Variants in MTMR3 observed in about 807,000 individuals in gnomAD.
MTMR3 encodes the protein phosphatidylinositol-3,5-bisphosphate 3-phosphatase MTMR3.
Under a neutral mutation model 132.4 loss-of-function variants are expected in MTMR3, and 32 were observed. The ratio of observed to expected loss-of-function variants is 0.24; its 90% confidence interval spans 0.18 to 0.32. MTMR3 has a LOEUF of 0.32. Ranked by LOEUF, MTMR3 falls within the 10% of genes least tolerant of loss-of-function variation. The pLI is 1.00. For synonymous variants in MTMR3, 556 were observed against 550.3 expected (o/e 1.01, Z -0.14); for missense variants, 1,216 against 1,489.6 (o/e 0.82, Z 3.02).
At chr22:29,940,861 T>G (rs2065843894) in intron 1 of MTMR3, among the ~76,000 whole-genome samples, 1 of 149,952 alleles carries the variant, frequency 6.7e-6, no homozygotes, top group Non-Finnish European at 1.5e-5. Flanking sequence ...ACTGGTGACC[T>G]CCCTTTGGTT....
chr22:30,006,945 T>C, intron 9 of MTMR3, 169 bp from the exon 10 acceptor site: 1 of 633,030 alleles, frequency 1.6e-6, no homozygotes, highest in Non-Finnish European at 2.7e-6. Flanking sequence ...TTGTTGTTTG[T>C]TCTTGTTGGT....
At chr22:29,902,025 A>G (rs2065010444) in intron 1 of MTMR3, among the ~76,000 whole-genome samples, 1 of 152,246 alleles carries the variant, frequency 6.6e-6, no homozygotes, top group Non-Finnish European at 1.5e-5. Flanking sequence ...ATGCATGCAT[A>G]CATACACATG....
chr22:29,914,445 T>C (rs2065272219), intron 1 of MTMR3, among the ~76,000 whole-genome samples: 1 of 152,200 alleles, frequency 6.6e-6, no homozygotes, highest in African/African-American at 2.4e-5. Context: ...ATAGGTTGTT[T>C]TTTGTTTATT....
At chr22:29,925,822 T>G (rs2065505103) in intron 1 of MTMR3, among the ~76,000 whole-genome samples, 2 of 152,006 alleles carry the variant, frequency 1.3e-5, no homozygotes, top group South Asian at 2.1e-4. Context: ...GGCTGAGGCA[T>G]GAGAATCACT....
intron 1 of MTMR3, among the ~76,000 whole-genome samples, chr22:29,949,137 ACACACACCCCCCCCCCC>A (rs1336378266): frequency 2.8e-5 from 1 of 35,754 alleles, no homozygotes; most frequent in African/African-American, 1.5e-4. Flanking sequence ...ACACACACAC[ACACACACCCCCCCCCCC>A]CCCCCCGAGG....
rs1159702875 is a variant in MTMR3 at position 30,019,938 on chromosome 22, T to G, written c.2279T>G (p.Leu760Arg). 1 of 1,614,228 alleles carries G rather than the reference T, an allele frequency of 6.2e-7. No homozygotes were observed. Among genetic ancestry groups the G allele is most frequent in the African/African-American group, 1.3e-5 (1 of 75,068 alleles). ...AGCCATCTGGATATGAGCTGGCCTCTGTTCTCACAGGGCATTTCTGAACAG... is the reference window on the plus strand; with the variant it reads ...AGCCATCTGGATATGAGCTGGCCTCGGTTCTCACAGGGCATTTCTGAACAG... ...LRSHLDMSWP[L>R]FSQGISEQQS... Residue 760 changes from leucine (L) to arginine (R), a missense_variant, in exon 17 of 20, where the codon CTG becomes CGG. This residue lies in a region of MTMR3 where 852 missense variants were observed against 852.0 expected (regional missense o/e 1.00). Coordinates refer to ENST00000401950, the MANE Select transcript of MTMR3 (RefSeq NM_021090.4).
intron 8 of MTMR3, chr22:30,002,577 T>C (rs963845488): frequency 1.8e-5 from 4 of 222,654 alleles, no homozygotes; most frequent in African/African-American, 9.1e-5. Context: ...TTTTTTTCAT[T>C]GATAGTTAAG....
intron 17 of MTMR3, 41 bp from the exon 18 acceptor site, chr22:30,021,988 G>T: frequency 6.6e-7 from 1 of 1,510,300 alleles, no homozygotes; most frequent in South Asian, 1.1e-5. Flanking sequence ...TTTGGGAGGA[G>T]ACCAGGTTCA....
chr22:29,887,256 T>A (rs1351236949), intron 1 of MTMR3, among the ~76,000 whole-genome samples: 1 of 152,210 alleles, frequency 6.6e-6, no homozygotes, highest in African/African-American at 2.4e-5. Context: ...ATTACCCATG[T>A]TGTTTCTGGC....
Position 30,022,872 on chromosome 22 carries a change from G to A in MTMR3, c.3425+175G>A, listed in dbSNP as rs1265258392. 9 of 602,482 alleles carry A rather than the reference G, an allele frequency of 1.5e-5. No individual in the cohort carries two copies. The South Asian group carries it at 1.6e-4, about 11-fold the overall frequency. The allele number at this position is 602,482 out of a possible 1,614,324, so 37.3% of individuals were successfully genotyped here. Reference sequence around the variant, plus strand: ...TTGCAAAACTGCATTTGGCATCTTTGTTCAAATTCAGAGTAATCACTGTTA... The same window carrying A: ...TTGCAAAACTGCATTTGGCATCTTTATTCAAATTCAGAGTAATCACTGTTA... On this transcript the variant is annotated intron_variant, in intron 19 of 19. Transcript: ENST00000401950.
At chr22:30,023,599 G>A in intron 19 of MTMR3, 1 of 1,304,582 alleles carries the variant, frequency 7.7e-7, no homozygotes, top group Non-Finnish European at 1.1e-6. Flanking sequence ...GGGGCCTTGG[G>A]TGCACAGGCA....
At chr22:30,017,740 TATAAA>T in intron 15 of MTMR3, 182 bp from the exon 16 acceptor site, 1 of 571,096 alleles carries the variant, frequency 1.8e-6, no homozygotes, top group Non-Finnish European at 3.0e-6. Flanking sequence ...ATGTTGGCTA[TATAAA>T]ATGTCTAGTC....
chr22:29,987,182 T>G (rs145807815), intron 5 of MTMR3: 6 of 152,406 alleles, frequency 3.9e-5, no homozygotes, highest in Non-Finnish European at 7.3e-5. Flanking sequence ...TATTTTGCTT[T>G]CTTCTCTTCT....
At chr22:29,965,635 A>C (rs2066400165) in intron 2 of MTMR3, among the ~76,000 whole-genome samples, 1 of 152,228 alleles carries the variant, frequency 6.6e-6, no homozygotes, top group East Asian at 1.9e-4. Context: ...CAGTGAGCTG[A>C]GATCGCACCA....
chr22:30,020,973 G>A, intron 17 of MTMR3, 89 bp downstream of exon 17: 1 of 1,288,294 alleles, frequency 7.8e-7, no homozygotes. Flanking sequence ...ATGGTGATTG[G>A]TACAGGTTGT....
chr22:30,012,994 G>T lies in MTMR3; in HGVS notation c.1318-362G>T, dbSNP rs116845816. On this transcript the variant is annotated intron_variant, in intron 13 of 19. Transcript: ENST00000401950. The stretch of plus-strand genomic sequence containing the variant: ...ATATATGCAAGTATTAATTAAACTT[G>T]GGGTATAGAAGGATTTTACAGACTT... 221 of 194,948 alleles carry T rather than the reference G, an allele frequency of 1.1e-3. 1 individual carries two copies. The highest frequency in any genetic ancestry group is 2.6e-3 in the South Asian group (17 of 6,432). 12.1% of individuals were successfully genotyped at this position (194,948 alleles called of 1,614,324 possible). A position where few individuals can be genotyped will look rare whatever the true frequency, so the allele number is the denominator to read the frequency against.
intron 1 of MTMR3, among the ~76,000 whole-genome samples, chr22:29,945,517 C>T (rs929336430): frequency 4.6e-5 from 7 of 150,800 alleles, no homozygotes; most frequent in South Asian, 2.1e-4. Flanking sequence ...CTGGGTAAAG[C>T]GAGATCCCTG....
chr22:29,900,139 T>TG (rs2064977726), intron 1 of MTMR3, among the ~76,000 whole-genome samples: 1 of 152,188 alleles, frequency 6.6e-6, no homozygotes, highest in Non-Finnish European at 1.5e-5. Context: ...GGAGGTTTTT[T>TG]GGGGTACATT....
chr22:29,942,442 A>T (rs534609866), intron 1 of MTMR3, among the ~76,000 whole-genome samples: 109 of 152,322 alleles, frequency 7.2e-4, no homozygotes, highest in African/African-American at 2.4e-3. Context: ...AGTTTCGGGC[A>T]CGCATTGTCA....
Sources: gnomAD v4.1 joint callset for allele counts (sites outside exome capture counted in the v4.1 genomes callset) on GRCh38, gnomAD v4.1.1 for gene constraint, gnomAD v4.1.1 regional missense constraint, MANE v1.5 for transcripts, NCBI Gene and HGNC (gene_info 2026-07-23, HGNC 2026-07-21) for gene names.